GNG7: variants seen among roughly 807,000 people sequenced by gnomAD.
GNG7 encodes the protein G protein subunit gamma 7.
GNG7 carries 1 observed loss-of-function variant against 4.0 expected under a neutral mutation model. That is an observed-to-expected ratio of 0.25 (90% CI 0.09 to 1.18). The LOEUF (loss-of-function observed/expected upper bound fraction) is 1.18. Among genes scored for constraint, GNG7 ranks in the 50% most tolerant of loss-of-function variants. The probability of loss-of-function intolerance (pLI) is 0.50; values close to 1 mark genes in which losing one functional copy is unlikely to be tolerated. For missense variants in GNG7, 86 were observed against 91.9 expected (o/e 0.94, Z 0.26); for synonymous variants, 34 against 36.9 (o/e 0.92, Z 0.29).
chr19:2,583,604 G>A (rs997793013), intron 2 of GNG7, among the ~76,000 whole-genome samples: 7 of 152,124 alleles, frequency 4.6e-5, no homozygotes, highest in South Asian at 4.1e-4. Flanking sequence ...TTCCCATTCC[G>A]CTCAGCAGGC....
At chr19:2,584,147 A>C (rs1274802398) in intron 2 of GNG7, among the ~76,000 whole-genome samples, 1 of 152,042 alleles carries the variant, frequency 6.6e-6, no homozygotes, top group Non-Finnish European at 1.5e-5. Context: ...TCAGAAGGAC[A>C]CAGAGCCAGC....
chr19:2,540,817 C>T (rs978431796), intron 3 of GNG7, among the ~76,000 whole-genome samples: 2 of 152,248 alleles, frequency 1.3e-5, no homozygotes, highest in Non-Finnish European at 2.9e-5. Context: ...TGTTTTCCAG[C>T]TGCACAGGAA....
chr19:2,618,540 G>A lies in GNG7; in HGVS notation c.-78+27684C>T, dbSNP rs1035099506. On this transcript the variant is annotated intron_variant, in intron 2 of 4. Coordinates refer to ENST00000382159, the MANE Select transcript of GNG7 (RefSeq NM_052847.3). The surrounding 1 kb of genome is among the most constrained non-coding windows in gnomAD (Gnocchi z 5.1). ...ATTTTTGTATTTTCAGTGGAGACGG[G>A]GTTTCGCCATGTTGTCCAGGCTGGT... Among the ~76,000 whole-genome samples the A allele has an allele frequency of 6.6e-6, 1 of 151,930 alleles. No individual in the cohort carries two copies. Among genetic ancestry groups the A allele is most frequent in the Non-Finnish European group, 1.5e-5 (1 of 67,994 alleles).
Position 2,628,198 on chromosome 19 carries a change from G to T in GNG7, c.-78+18026C>A, listed in dbSNP as rs181610197. 4.3e-4 allele frequency among the ~76,000 whole-genome samples: 65 copies of T among 152,336 alleles called. 1 individual carries two copies. In the South Asian group the frequency reaches 9.5e-3, roughly 22 times the overall value. ...ATCTCACAACTTCTGTGTGTCAAGA[G>T]TCTGGCTTAACTGGGTCCCCCGCTC... On this transcript the variant is annotated intron_variant, in intron 2 of 4. Transcript: ENST00000382159.
At chr19:2,689,645 A>C (rs911436601) in intron 1 of GNG7, among the ~76,000 whole-genome samples, 5 of 145,312 alleles carry the variant, frequency 3.4e-5, no homozygotes, top group South Asian at 2.3e-4. Flanking sequence ...AAAAAAAAAA[A>C]AAAACCATAT....
chr19:2,525,903 G>A (rs1014876254), intron 3 of GNG7, among the ~76,000 whole-genome samples: 11 of 151,016 alleles, frequency 7.3e-5, no homozygotes, highest in Admixed American at 3.3e-4. Flanking sequence ...TCCGCCTTCC[G>A]GGTTCAAGCG....
chr19:2,661,163 A>C (rs1176626748), intron 1 of GNG7, among the ~76,000 whole-genome samples: 1 of 147,240 alleles, frequency 6.8e-6, no homozygotes, highest in East Asian at 2.0e-4. Flanking sequence ...GTGAGCCAAG[A>C]TCGTGCCACT....
At position 2,512,276 on chromosome 19, in the gene GNG7, G is replaced by T; in HGVS notation, c.*2746C>A. 1.0e-6 allele frequency: 1 copy of T among 985,850 alleles called. No individual in the cohort carries two copies. The highest frequency in any genetic ancestry group is 1.2e-6 in the Non-Finnish European group (1 of 829,936). The allele number at this position is 985,850 out of a possible 1,614,324, so 61.1% of individuals were successfully genotyped here. A position where few individuals can be genotyped will look rare whatever the true frequency, so the allele number is the denominator to read the frequency against. ...AGGGATTCCCGGCAGAAAAGCACATGTGGCGGTCGGTGTGTGCACTCGGGT... is the reference window on the plus strand; with the variant it reads ...AGGGATTCCCGGCAGAAAAGCACATTTGGCGGTCGGTGTGTGCACTCGGGT... On this transcript the variant is annotated 3_prime_UTR_variant, in exon 5 of 5. Transcript: ENST00000382159. This position sits in a 1 kb window ranked among gnomAD's most constrained non-coding sequence, Gnocchi z 4.7.
At chr19:2,668,213 AG>A (rs1983358928) in intron 1 of GNG7, among the ~76,000 whole-genome samples, 1 of 133,972 alleles carries the variant, frequency 7.5e-6, no homozygotes, top group Non-Finnish European at 1.6e-5. Context: ...TAAAATGAAA[AG>A]TTTATCAAAA....
intron 1 of GNG7, among the ~76,000 whole-genome samples, chr19:2,657,925 C>T (rs745752416): frequency 1.1e-4 from 16 of 152,056 alleles, no homozygotes; most frequent in African/African-American, 1.9e-4. Flanking sequence ...CTCTTTGCCT[C>T]GGCTGCCAAA....
rs771726031 is a variant in GNG7, at chr19:2,625,543, C to T, written c.-78+20681G>A. ...CAGACTTCTCTCTTCTCCTCGGTCACGGGGATCAGGAAGCAGAGAACCAAG... is the reference window on the plus strand; with the variant it reads ...CAGACTTCTCTCTTCTCCTCGGTCATGGGGATCAGGAAGCAGAGAACCAAG... On this transcript the variant is annotated intron_variant, in intron 2 of 4. Coordinates refer to ENST00000382159, the MANE Select transcript of GNG7 (RefSeq NM_052847.3). 4.6e-5 allele frequency among the ~76,000 whole-genome samples: 7 copies of T among 152,172 alleles called. No individual in the cohort carries two copies. The South Asian group carries it at 1.0e-3, about 23-fold the overall frequency.
Position 2,513,589 on chromosome 19 carries a change from T to C in GNG7, c.*1433A>G. On this transcript the variant is annotated 3_prime_UTR_variant, in exon 5 of 5. Coordinates refer to ENST00000382159, the MANE Select transcript of GNG7 (RefSeq NM_052847.3). ...TGGCCCATCCTGCGTCTAAGGCATC[T>C]CCCGGCCTCAGACAGCCGTCCTGGG... 1 of 985,372 alleles carries C rather than the reference T, an allele frequency of 1.0e-6. No homozygotes were observed. The highest frequency in any genetic ancestry group is 1.2e-6 in the Non-Finnish European group (1 of 829,908). 61.0% of individuals were successfully genotyped at this position (985,372 alleles called of 1,614,324 possible).
chr19:2,511,920 C>T lies in GNG7; in HGVS notation c.*3102G>A. ...GGAGGGCAGGGGAGGCGGAGCTGGT[C>T]CGGGAAGGTGCCCAGGTGGGTCACA... On this transcript the variant is annotated 3_prime_UTR_variant, in exon 5 of 5. Coordinates refer to ENST00000382159, the MANE Select transcript of GNG7 (RefSeq NM_052847.3). The surrounding 1 kb of genome is among the most constrained non-coding windows in gnomAD (Gnocchi z 6.3). 1.0e-6 allele frequency: 1 copy of T among 986,170 alleles called. No individual in the cohort carries two copies. The highest frequency in any genetic ancestry group is 1.2e-6 in the Non-Finnish European group (1 of 830,224). 61.1% of individuals were successfully genotyped at this position (986,170 alleles called of 1,614,324 possible).
intron 1 of GNG7, among the ~76,000 whole-genome samples, chr19:2,692,635 GA>G (rs755758643): frequency 2.5e-3 from 301 of 119,632 alleles, no homozygotes; most frequent in Admixed American, 3.4e-3. Flanking sequence ...ACTCCATCTC[GA>G]AAAAAAAAAA....
At chr19:2,593,046 G>T (rs1980899317) in intron 2 of GNG7, among the ~76,000 whole-genome samples, 1 of 148,008 alleles carries the variant, frequency 6.8e-6, no homozygotes, top group Non-Finnish European at 1.5e-5. Flanking sequence ...AGGAAAGAAG[G>T]AAGGAAGGAA....
In GNG7 at chr19:2,614,994, T is replaced by C. The variant is rs73526895; in HGVS notation, c.-78+31230A>G. Among the ~76,000 whole-genome samples, 30,527 of 152,140 alleles carry C rather than the reference T, an allele frequency of 0.2. 5,456 individuals are homozygous for C. Among genetic ancestry groups the C allele is most frequent in the African/African-American group, 0.48 (20,029 of 41,462 alleles). Reference sequence around the variant, plus strand: ...TTGTTGAAGGTCACCCCGTAGCCATTGGCAGAGCCAGAACTTGCAGCTGTG... The same window carrying C: ...TTGTTGAAGGTCACCCCGTAGCCATCGGCAGAGCCAGAACTTGCAGCTGTG... On this transcript the variant is annotated intron_variant, in intron 2 of 4. Coordinates refer to ENST00000382159, the MANE Select transcript of GNG7 (RefSeq NM_052847.3). This position sits in a 1 kb window ranked among gnomAD's most constrained non-coding sequence, Gnocchi z 6.0.
At position 2,679,319 on chromosome 19, in the gene GNG7, GGAATTACAGGTGT is replaced by G. The variant is rs567889630; in HGVS notation, c.-135+23314_-135+23326del. The stretch of plus-strand genomic sequence containing the variant: ...TCCCACCTAAGCCTCCCAAAGTGCT[GGAATTACAGGTGT>G]GAGCCACCACACCCAGCCAATACTA... On this transcript the variant is annotated intron_variant, in intron 1 of 4. Transcript: ENST00000382159. 2.6e-5 allele frequency among the ~76,000 whole-genome samples: 4 copies of G among 152,140 alleles called. No homozygotes were observed. In the South Asian group the frequency reaches 8.3e-4, roughly 32 times the overall value.
At chr19:2,628,422 G>A (rs1401084050) in intron 2 of GNG7, among the ~76,000 whole-genome samples, 1 of 152,084 alleles carries the variant, frequency 6.6e-6, no homozygotes, top group African/African-American at 2.4e-5. Context: ...TCTGCCACAT[G>A]GACCCTCCAC....
At chr19:2,638,324 TG>T (rs1285301232) in intron 2 of GNG7, among the ~76,000 whole-genome samples, 1 of 146,104 alleles carries the variant, frequency 6.8e-6, no homozygotes, top group Non-Finnish European at 1.5e-5. Flanking sequence ...ATCATGCCAC[TG>T]CACTCCAGCC....
Sources: gnomAD v4.1 joint callset for allele counts (sites outside exome capture counted in the v4.1 genomes callset) on GRCh38, gnomAD v4.1.1 for gene constraint, Gnocchi (gnomAD v3.1) non-coding constraint, MANE v1.5 for transcripts, NCBI Gene and HGNC (gene_info 2026-07-23, HGNC 2026-07-21) for gene names.